MSI2: variants seen among roughly 807,000 people sequenced by gnomAD.
MSI2 encodes RNA-binding protein Musashi homolog 2.
Under a neutral mutation model 45.6 loss-of-function variants are expected in MSI2, and 17 were observed. The observed-to-expected ratio is 0.37, with a 90% CI of 0.26 to 0.56. The LOEUF is 0.56. Ranked by LOEUF, MSI2 falls within the 20% of genes least tolerant of loss-of-function variation. The pLI is 0.77. For synonymous variants in MSI2, 156 were observed against 158.2 expected, an observed-to-expected ratio of 0.99 and a Z score of 0.11; for missense variants, 293 against 444.2, an observed-to-expected ratio of 0.66 and a Z score of 3.06.
chr17:57,591,712 G>A (rs994737561), intron 7 of MSI2, among the ~76,000 whole-genome samples: 5 of 150,250 alleles, frequency 3.3e-5, no homozygotes, highest in African/African-American at 9.8e-5. Flanking sequence ...GAGTGACAAG[G>A]GACTGAAACC....
At chr17:57,375,415 G>C (rs1328902033) in intron 5 of MSI2, among the ~76,000 whole-genome samples, 3 of 152,174 alleles carry the variant, frequency 2.0e-5, no homozygotes, top group African/African-American at 4.8e-5. Context: ...TGTCTTCAGA[G>C]GCATTTATTT....
chr17:57,465,587 A>G (rs1408303938), intron 6 of MSI2, among the ~76,000 whole-genome samples: 1 of 152,218 alleles, frequency 6.6e-6, no homozygotes, highest in African/African-American at 2.4e-5. Flanking sequence ...TATGCCAGGC[A>G]TTATGCTAAT....
intron 7 of MSI2, among the ~76,000 whole-genome samples, chr17:57,588,514 T>C (rs989708601): frequency 1.3e-5 from 2 of 152,266 alleles, no homozygotes; most frequent in Non-Finnish European, 2.9e-5. Context: ...GTGCTCATCC[T>C]GGTTAGACTG....
intron 5 of MSI2, among the ~76,000 whole-genome samples, chr17:57,262,877 G>C (rs956727054): frequency 2.0e-5 from 3 of 152,190 alleles, no homozygotes; most frequent in African/African-American, 7.2e-5. Context: ...CACTGAGCTT[G>C]CCAGGTGTGG....
chr17:57,334,075 C>G (rs895070149), intron 5 of MSI2, among the ~76,000 whole-genome samples: 4 of 152,212 alleles, frequency 2.6e-5, no homozygotes, highest in African/African-American at 9.6e-5. Flanking sequence ...CTTCCCCCAT[C>G]CCCAACCGGG....
At chr17:57,369,147 G>T (rs1042686391) in intron 5 of MSI2, among the ~76,000 whole-genome samples, 2 of 152,222 alleles carry the variant, frequency 1.3e-5, no homozygotes, top group African/African-American at 4.8e-5. Context: ...TGGTGGGAAT[G>T]ACAGGGTGCT....
chr17:57,651,952 G>A (rs946351426), intron 10 of MSI2, 147 bp from the exon 11 acceptor site: 3 of 687,368 alleles, frequency 4.4e-6, no homozygotes, highest in Admixed American at 2.3e-5. Context: ...ACTACTCTGT[G>A]TCCCTCTCAA....
At chr17:57,271,128 A>T (rs1004715815) in intron 5 of MSI2, among the ~76,000 whole-genome samples, 49 of 152,188 alleles carry the variant, frequency 3.2e-4, no homozygotes, top group African/African-American at 1.1e-3. Flanking sequence ...ACTGGTCTTT[A>T]TCTGCCCGGG....
At chr17:57,450,699 G>A (rs1477811986) in intron 6 of MSI2, among the ~76,000 whole-genome samples, 1 of 140,174 alleles carries the variant, frequency 7.1e-6, no homozygotes, top group African/African-American at 2.7e-5. Flanking sequence ...AAAAAAAAAG[G>A]TGAGTAAAGG....
chr17:57,450,255 T>TAGAAAGAAAG (rs1567830518), intron 6 of MSI2: 17 of 76,042 alleles, frequency 2.2e-4, no homozygotes, highest in African/African-American at 6.7e-4. Context: ...TTCCCCAGCT[T>TAGAAAGAAAG]AAAGAAAGAA....
intron 5 of MSI2, chr17:57,294,615 T>G (rs1910762511): frequency 2.6e-5 from 4 of 152,284 alleles, no homozygotes; most frequent in Admixed American, 2.6e-4. Context: ...CCAATGTGGT[T>G]CTCCTCCTTC....
At chr17:57,513,529 A>G (rs1357198532) in intron 6 of MSI2, among the ~76,000 whole-genome samples, 5 of 152,202 alleles carry the variant, frequency 3.3e-5, no homozygotes, top group African/African-American at 1.2e-4. Flanking sequence ...TTGGCAGAAG[A>G]ACTGCAATGC....
intron 11 of MSI2, among the ~76,000 whole-genome samples, chr17:57,661,984 C>A (rs1440376033): frequency 6.6e-6 from 1 of 152,178 alleles, no homozygotes; most frequent in Non-Finnish European, 1.5e-5. Context: ...CATGTGTCTG[C>A]GGGTGGCACC....
At chr17:57,548,330 G>A (rs1002886224) in intron 7 of MSI2, among the ~76,000 whole-genome samples, 2 of 151,430 alleles carry the variant, frequency 1.3e-5, no homozygotes, top group Non-Finnish European at 2.9e-5. Context: ...ATATTAATTC[G>A]TTTAAAAAAA....
At chr17:57,662,169 C>T (rs1912036095) in intron 11 of MSI2, among the ~76,000 whole-genome samples, 1 of 152,114 alleles carries the variant, frequency 6.6e-6, no homozygotes, top group Non-Finnish European at 1.5e-5. Flanking sequence ...CCCTTCCCAG[C>T]TTGGGATCCT....
At chr17:57,364,855 CG>C (rs1917074837) in intron 5 of MSI2, 1 of 152,126 alleles carries the variant, frequency 6.6e-6, no homozygotes, top group East Asian at 1.9e-4. Flanking sequence ...TCTGCTAACC[CG>C]GATGTGTTGC....
intron 6 of MSI2, chr17:57,448,472 G>C (rs2084938357): frequency 1.3e-5 from 2 of 152,254 alleles, no homozygotes; most frequent in Admixed American, 1.3e-4. Flanking sequence ...GTACGGAACA[G>C]GTTTCTCTTC....
At chr17:57,343,842 C>G (rs1775567897) in intron 5 of MSI2, among the ~76,000 whole-genome samples, 1 of 152,144 alleles carries the variant, frequency 6.6e-6, no homozygotes, top group African/African-American at 2.4e-5. Context: ...CCACCTTTTC[C>G]CAATAGAACA....
At chr17:57,575,151 T>TCCCCCCCCCCC (rs898555784) in intron 7 of MSI2, among the ~76,000 whole-genome samples, 43 of 114,356 alleles carry the variant, frequency 3.8e-4, no homozygotes, top group Non-Finnish European at 4.7e-4. Flanking sequence ...TTTAACTCCC[T>TCCCCCCCCCCC]CCCCCCGCCA....
Sources: gnomAD v4.1 joint callset for allele counts (sites outside exome capture counted in the v4.1 genomes callset) on GRCh38, gnomAD v4.1.1 for gene constraint, MANE v1.5 for transcripts, NCBI Gene and HGNC (gene_info 2026-07-23, HGNC 2026-07-21) for gene names.